The following GPCPD1 variants were observed in gnomAD, a reference collection of about 807,000 sequenced individuals.
GPCPD1 encodes the protein glycerophosphocholine phosphodiesterase 1.
In GPCPD1, 29 loss-of-function variants were observed where a neutral mutation model predicts 89.2. That is an observed-to-expected ratio of 0.33 (90% CI 0.24 to 0.44). GPCPD1 has a LOEUF of 0.44. Ranked by LOEUF, GPCPD1 falls within the 20% of genes least tolerant of loss-of-function variation. The pLI is 1.00. For missense variants in GPCPD1, 594 were observed against 808.9 expected (o/e 0.73, Z 3.22); for synonymous variants, 258 against 266.3 (o/e 0.97, Z 0.30).
At chr20:5,556,817 C>T (rs573242148) in intron 19 of GPCPD1, among the ~76,000 whole-genome samples, 1 of 152,344 alleles carries the variant, frequency 6.6e-6, no homozygotes, top group South Asian at 2.1e-4. Context: ...GGCAAACAGC[C>T]TTGCCCTCCT....
intron 16 of GPCPD1, 23 bp from the exon 17 acceptor site, chr20:5,560,099 A>G: frequency 6.7e-7 from 1 of 1,500,970 alleles, no homozygotes; most frequent in Non-Finnish European, 8.9e-7. Context: ...AAAGCAAAAT[A>G]AAAGTCACTG....
At chr20:5,566,857 A>T in intron 13 of GPCPD1, 85 bp from the exon 14 acceptor site, 2 of 855,294 alleles carry the variant, frequency 2.3e-6, no homozygotes, top group South Asian at 2.8e-5. Context: ...CTGAAAAACT[A>T]GCAAGATAAA....
chr20:5,596,493 T>G (rs1600795408), intron 3 of GPCPD1, among the ~76,000 whole-genome samples: 1 of 152,186 alleles, frequency 6.6e-6, no homozygotes, highest in East Asian at 1.9e-4. Flanking sequence ...CATATGGTGG[T>G]TTAGTGCAGC....
intron 10 of GPCPD1, 23 bp downstream of exon 10, chr20:5,575,389 AT>A: frequency 6.4e-7 from 1 of 1,569,148 alleles, no homozygotes; most frequent in South Asian, 1.1e-5. Flanking sequence ...CCAAATGCTA[AT>A]CCTACTCAAA....
chr20:5,589,712 A>T (rs1600781310), intron 4 of GPCPD1, among the ~76,000 whole-genome samples: 1 of 152,362 alleles, frequency 6.6e-6, no homozygotes, highest in East Asian at 1.9e-4. Context: ...CTCATTGTAC[A>T]TGCAATACTT....
chr20:5,576,056 C>G, intron 8 of GPCPD1, 78 bp from the exon 9 acceptor site: 1 of 601,348 alleles, frequency 1.7e-6, no homozygotes, highest in South Asian at 2.6e-5. Flanking sequence ...CACACACACA[C>G]ACACAGACAC....
Position 5,566,647 on chromosome 20 carries a change from G to A in GPCPD1, c.1267+86C>T, listed in dbSNP as rs952595932. On this transcript the variant is annotated intron_variant, in intron 14 of 19. Coordinates refer to ENST00000379019, the MANE Select transcript of GPCPD1 (RefSeq NM_019593.5). ...GTATTATACTCATAAAAATGACCAA[G>A]TATCAAGTATGTGCTAAAATCGATT... is the stretch of plus-strand genomic sequence containing the variant. 3 of 793,524 alleles carry A rather than the reference G, an allele frequency of 3.8e-6. No homozygotes were observed. The Admixed American group carries it at 5.8e-5, about 15-fold the overall frequency. The allele number at this position is 793,524 out of a possible 1,614,324, so 49.2% of individuals were successfully genotyped here. A position where few individuals can be genotyped will look rare whatever the true frequency, so the allele number is the denominator to read the frequency against.
At chr20:5,602,217 T>C (rs2122800097) in intron 2 of GPCPD1, among the ~76,000 whole-genome samples, 1 of 152,330 alleles carries the variant, frequency 6.6e-6, no homozygotes, top group Non-Finnish European at 1.5e-5. Context: ...GAGTCATCTA[T>C]ATCCACATCC....
chr20:5,597,529 T>C (rs1979816809), intron 3 of GPCPD1, among the ~76,000 whole-genome samples: 4 of 152,228 alleles, frequency 2.6e-5, no homozygotes, highest in Non-Finnish European at 5.9e-5. Context: ...TAAAAGTCTT[T>C]TGGACTGGTA....
intron 4 of GPCPD1, among the ~76,000 whole-genome samples, chr20:5,587,558 G>A (rs1334385049): frequency 6.6e-6 from 1 of 151,948 alleles, no homozygotes; most frequent in African/African-American, 2.4e-5. Context: ...AGTAGAGATG[G>A]GGCTTCACCA....
chr20:5,579,880 G>T, intron 7 of GPCPD1, 128 bp downstream of exon 7: 1 of 582,708 alleles, frequency 1.7e-6, no homozygotes, highest in Non-Finnish European at 3.1e-6. Flanking sequence ...CTATTACAAA[G>T]CCCTGTAGTT....
chr20:5,584,649 A>G (rs928089458), intron 5 of GPCPD1: 1 of 164,106 alleles, frequency 6.1e-6, no homozygotes, highest in African/African-American at 2.4e-5. Flanking sequence ...TTGCTGGACA[A>G]CGATAACTCC....
chr20:5,550,251 A>G (rs1391519736), intron 19 of GPCPD1, among the ~76,000 whole-genome samples: 1 of 150,872 alleles, frequency 6.6e-6, no homozygotes, highest in African/African-American at 2.4e-5. Flanking sequence ...GAATGAGTAG[A>G]AAGTAAGATT....
At chr20:5,561,987 A>G (rs1363407286) in intron 15 of GPCPD1, among the ~76,000 whole-genome samples, 2 of 152,228 alleles carry the variant, frequency 1.3e-5, no homozygotes, top group Non-Finnish European at 2.9e-5. Flanking sequence ...TGCTAAACAA[A>G]TCCCATAACT....
chr20:5,560,160 G>A, intron 16 of GPCPD1, 84 bp from the exon 17 acceptor site: 1 of 955,602 alleles, frequency 1.0e-6, no homozygotes. Context: ...GGCAAGCTAT[G>A]ATGAAAAAAC....
At position 5,574,015 on chromosome 20, in the gene GPCPD1, G is replaced by A. The variant is rs777337547; in HGVS notation, c.1002-46C>T. 43 of 977,396 alleles carry A rather than the reference G, an allele frequency of 4.4e-5. No homozygotes were observed. In the Admixed American group the frequency reaches 6.1e-4, roughly 14 times the overall value. 60.5% of individuals were successfully genotyped at this position (977,396 alleles called of 1,614,324 possible). On this transcript the variant is annotated intron_variant, in intron 10 of 19. Transcript: ENST00000379019. ...TAACATAGACTATAGAGAAGATAAA[G>A]AAACAAATGTAATAAAGAAGCAAAG...
In GPCPD1 at chr20:5,610,992, C is replaced by A. The variant is rs1180393047; in HGVS notation, c.-179G>T. The A allele has an allele frequency of 1.3e-5, 2 of 152,010 alleles. No individual in the cohort carries two copies. Among genetic ancestry groups the A allele is most frequent in the Non-Finnish European group, 2.9e-5 (2 of 68,020 alleles). The allele number at this position is 152,010 out of a possible 1,614,324, so 9.4% of individuals were successfully genotyped here. A position where few individuals can be genotyped will look rare whatever the true frequency, so the allele number is the denominator to read the frequency against. On this transcript the variant is annotated 5_prime_UTR_variant, in exon 1 of 20. Coordinates refer to ENST00000379019, the MANE Select transcript of GPCPD1 (RefSeq NM_019593.5). Reference sequence around the variant, plus strand: ...GGCGTCGAGCGGCAGGAAGCAGCCACGCTCAAACCGGTTTCAGCTGCTCCA... The same window carrying A: ...GGCGTCGAGCGGCAGGAAGCAGCCAAGCTCAAACCGGTTTCAGCTGCTCCA...
At chr20:5,564,914 C>A in intron 15 of GPCPD1, 103 bp downstream of exon 15, 1 of 719,150 alleles carries the variant, frequency 1.4e-6, no homozygotes, top group Non-Finnish European at 2.5e-6. Flanking sequence ...TTAACATTGT[C>A]TTTAACACAG....
intron 5 of GPCPD1, chr20:5,584,716 T>A (rs1449359304): frequency 6.4e-6 from 1 of 156,198 alleles, no homozygotes; most frequent in Non-Finnish European, 1.4e-5. Flanking sequence ...TCTTATGTAG[T>A]GCATATTCTG....
Sources: allele counts gnomAD v4.1 joint callset (sites outside exome capture counted in the v4.1 genomes callset), GRCh38; gene constraint gnomAD v4.1.1; transcripts MANE v1.5; gene names NCBI Gene and HGNC (gene_info 2026-07-23, HGNC 2026-07-21).